Variants in SGCG observed in about 807,000 individuals in gnomAD.
SGCG encodes gamma-sarcoglycan.
In SGCG, 26 loss-of-function variants were observed where a neutral mutation model predicts 29.3. The observed-to-expected ratio is 0.89, with a 90% CI of 0.65 to 1.23. The LOEUF (loss-of-function observed/expected upper bound fraction) is 1.23, where lower values mean the gene tolerates loss of function less well. Among genes scored for constraint, SGCG ranks in the 50% most tolerant of loss-of-function variants. The probability of loss-of-function intolerance (pLI) is 0.00; values close to 1 mark genes in which losing one functional copy is unlikely to be tolerated. For missense variants in SGCG, 353 were observed against 356.0 expected, an observed-to-expected ratio of 0.99 and a Z score of 0.07; for synonymous variants, 145 against 129.7, an observed-to-expected ratio of 1.12 and a Z score of -0.80.
At chr13:23,244,430 T>C (rs1165458331) in intron 3 of SGCG, 3 of 152,246 alleles carry the variant, frequency 2.0e-5, no homozygotes, top group African/African-American at 7.2e-5. Flanking sequence ...GTATTTCTTA[T>C]AGAAAAGTTA....
chr13:23,204,009 C>G, intron 2 of SGCG, 120 bp downstream of exon 2: 2 of 810,044 alleles, frequency 2.5e-6, no homozygotes, highest in Non-Finnish European at 4.2e-6. Context: ...CTGTCTGGCT[C>G]TGAATTTCAG....
the SGCG span, among the ~76,000 whole-genome samples, chr13:23,164,790 G>A: frequency 1.3e-5 from 2 of 152,126 alleles, no homozygotes; most frequent in African/African-American, 4.8e-5. Flanking sequence ...CCTCCTGCCA[G>A]CCCTGCTCCC....
chr13:23,208,919 T>C (rs1878085242), intron 2 of SGCG, among the ~76,000 whole-genome samples: 1 of 152,136 alleles, frequency 6.6e-6, no homozygotes, highest in African/African-American at 2.4e-5. Context: ...TATGTTAAAA[T>C]AAGACATCTT....
intron 1 of SGCG, among the ~76,000 whole-genome samples, chr13:23,195,490 G>T (rs1877456120): frequency 6.6e-6 from 1 of 151,718 alleles, no homozygotes; most frequent in Admixed American, 6.6e-5. Flanking sequence ...TTTAAATAAA[G>T]GTTTTTGTTT....
chr13:23,166,288 C>T, the SGCG span, among the ~76,000 whole-genome samples: 34 of 152,172 alleles, frequency 2.2e-4, 1 homozygote, highest in East Asian at 5.0e-3. Context: ...ATCCGCCTCC[C>T]GAGTTCAAGT....
At chr13:23,214,147 C>T (rs1318622900) in intron 2 of SGCG, among the ~76,000 whole-genome samples, 1 of 152,216 alleles carries the variant, frequency 6.6e-6, no homozygotes, top group Non-Finnish European at 1.5e-5. Context: ...CAGGTCACCA[C>T]ATCCAGACAA....
Position 23,185,579 on chromosome 13 carries a change from C to T in SGCG, c.-1+4504C>T, listed in dbSNP as rs778551290. 1.6e-4 allele frequency among the ~76,000 whole-genome samples: 24 copies of T among 152,196 alleles called. No homozygotes were observed. In the South Asian group the frequency reaches 2.5e-3, roughly 16 times the overall value. ...GACTCCAAGCTGGAGATATGCGTGC[C>T]ATGTATTGGAACCCATCTTGAAAAA... is the stretch of plus-strand genomic sequence containing the variant. On this transcript the variant is annotated intron_variant, in intron 1 of 7. Transcript: ENST00000218867.
chr13:23,296,712 T>C (rs1445236686), intron 6 of SGCG, among the ~76,000 whole-genome samples: 2 of 152,200 alleles, frequency 1.3e-5, no homozygotes, highest in East Asian at 3.8e-4. Flanking sequence ...TTATCCGACT[T>C]AGCATACTTT....
intron 2 of SGCG, among the ~76,000 whole-genome samples, chr13:23,230,726 G>C (rs1879076128): frequency 6.6e-6 from 1 of 152,150 alleles, no homozygotes; most frequent in South Asian, 2.1e-4. Flanking sequence ...CATGTCATCT[G>C]CATACAGGAT....
intron 2 of SGCG, among the ~76,000 whole-genome samples, chr13:23,228,556 AC>A (rs1878988397): frequency 6.6e-6 from 1 of 152,164 alleles, no homozygotes; most frequent in Admixed American, 6.5e-5. Context: ...TCACCCAGGT[AC>A]TAAGCACAGT....
chr13:23,277,541 A>G (rs1231759077), intron 4 of SGCG, among the ~76,000 whole-genome samples: 4 of 152,200 alleles, frequency 2.6e-5, no homozygotes, highest in African/African-American at 4.8e-5. Context: ...TAAAATTAAG[A>G]ACACTTGGAT....
At chr13:23,305,633 C>T (rs895367571) in intron 6 of SGCG, among the ~76,000 whole-genome samples, 1 of 152,172 alleles carries the variant, frequency 6.6e-6, no homozygotes, top group African/African-American at 2.4e-5. Flanking sequence ...GGTATTTCTC[C>T]ATTAACCAAA....
At chr13:23,306,503 G>T (rs556629739) in intron 6 of SGCG, among the ~76,000 whole-genome samples, 1 of 152,188 alleles carries the variant, frequency 6.6e-6, no homozygotes, top group African/African-American at 2.4e-5. Context: ...TAGTCTCATA[G>T]GAATTTTTAA....
chr13:23,308,114 T>C (rs1882425093), intron 6 of SGCG, among the ~76,000 whole-genome samples: 1 of 152,206 alleles, frequency 6.6e-6, no homozygotes, highest in African/African-American at 2.4e-5. Context: ...CTGGAGAGTA[T>C]TTGGCCAGTA....
At chr13:23,241,487 C>A (rs1427584348) in intron 3 of SGCG, among the ~76,000 whole-genome samples, 2 of 152,022 alleles carry the variant, frequency 1.3e-5, no homozygotes, top group African/African-American at 4.8e-5. Flanking sequence ...AAAGTCTCCC[C>A]AATAAAGGAA....
At chr13:23,234,974 G>C (rs1421815242) in intron 3 of SGCG, among the ~76,000 whole-genome samples, 1 of 152,112 alleles carries the variant, frequency 6.6e-6, no homozygotes, top group Middle Eastern at 3.2e-3. Flanking sequence ...TTTTAGAAAT[G>C]AAAATTTTTA....
intron 5 of SGCG, among the ~76,000 whole-genome samples, chr13:23,290,774 T>C (rs906438252): frequency 4.1e-5 from 6 of 147,852 alleles, no homozygotes; most frequent in Non-Finnish European, 9.0e-5. Context: ...CAAAAATGAA[T>C]GCATGTCTGA....
intron 2 of SGCG, among the ~76,000 whole-genome samples, chr13:23,213,320 A>T (rs1478958770): frequency 1.3e-5 from 2 of 152,100 alleles, no homozygotes; most frequent in African/African-American, 4.8e-5. Context: ...CTAAAAATAT[A>T]AAAATATAAA....
At chr13:23,283,754 G>A (rs1224521944) in intron 5 of SGCG, among the ~76,000 whole-genome samples, 7 of 152,172 alleles carry the variant, frequency 4.6e-5, no homozygotes, top group East Asian at 3.9e-4. Context: ...GGCTGGTACC[G>A]GTTTTTCCTT....
Sources: gnomAD v4.1 joint callset for allele counts (sites outside exome capture counted in the v4.1 genomes callset) on GRCh38, gnomAD v4.1.1 for gene constraint, MANE v1.5 for transcripts, NCBI Gene and HGNC (gene_info 2026-07-23, HGNC 2026-07-21) for gene names.